The following DOCK1 variants were observed in gnomAD, a reference collection of about 807,000 sequenced individuals.
DOCK1 encodes the protein dedicator of cytokinesis protein 1.
In DOCK1, 138 loss-of-function variants were observed where a neutral mutation model predicts 262.7. That is an observed-to-expected ratio of 0.53 (90% CI 0.46 to 0.61). The LOEUF (loss-of-function observed/expected upper bound fraction) is 0.61. DOCK1 is among the 20% of genes least tolerant of loss of function. DOCK1 has a pLI of 0.00. For synonymous variants in DOCK1, 866 were observed against 867.4 expected (o/e 1.00, Z 0.03); for missense variants, 1,908 against 2,370.7 (o/e 0.80, Z 4.05).
chr10:126,948,517 CT>C (rs2035819190), intron 1 of DOCK1, among the ~76,000 whole-genome samples: 2 of 151,830 alleles, frequency 1.3e-5, no homozygotes, highest in Non-Finnish European at 2.9e-5. Context: ...CCAGCCGGGC[CT>C]TTTGAGGGCA....
At chr10:127,337,962 C>T (rs1232033197) in intron 29 of DOCK1, among the ~76,000 whole-genome samples, 1 of 152,198 alleles carries the variant, frequency 6.6e-6, no homozygotes, top group Non-Finnish European at 1.5e-5. Context: ...TGAATTTCTT[C>T]TTCCCTCCTC....
chr10:127,268,993 T>C (rs1313259540), intron 29 of DOCK1, among the ~76,000 whole-genome samples: 1 of 151,992 alleles, frequency 6.6e-6, no homozygotes, highest in Non-Finnish European at 1.5e-5. Context: ...CCTCTCTACC[T>C]CTCCCAGCCA....
In DOCK1 at chr10:127,151,362, T is replaced by C. The variant is rs116473001; in HGVS notation, c.2847+23598T>C. ...AGGCAGCAGGAGTCCAGCCGAAATA[T>C]TACTCTGCAGACTGTCCTGGGACCA... is the stretch of plus-strand genomic sequence containing the variant. On this transcript the variant is annotated intron_variant, in intron 27 of 51. Transcript: ENST00000623213. 1.6e-3 allele frequency among the ~76,000 whole-genome samples: 244 copies of C among 152,252 alleles called. 2 individuals are homozygous for C. The highest frequency in any genetic ancestry group is 5.6e-3 in the African/African-American group (233 of 41,552).
intron 27 of DOCK1, among the ~76,000 whole-genome samples, chr10:127,177,481 G>A (rs2055270906): frequency 6.6e-6 from 1 of 152,254 alleles, no homozygotes; most frequent in African/African-American, 2.4e-5. Context: ...TTGTTTGTGA[G>A]TGAGGCTTCG....
chr10:126,981,430 C>T (rs1398390415), intron 3 of DOCK1, among the ~76,000 whole-genome samples: 23 of 152,202 alleles, frequency 1.5e-4, no homozygotes, highest in African/African-American at 2.4e-5. Context: ...GGGCGAAATT[C>T]GGCCTGTCTT....
intron 22 of DOCK1, among the ~76,000 whole-genome samples, chr10:127,058,493 A>G (rs1337119629): frequency 2.0e-5 from 3 of 151,982 alleles, no homozygotes; most frequent in Admixed American, 1.3e-4. Flanking sequence ...CATTTCATCC[A>G]TTTATATATA....
At chr10:126,926,184 T>C (rs531541250) in intron 1 of DOCK1, among the ~76,000 whole-genome samples, 1 of 152,190 alleles carries the variant, frequency 6.6e-6, no homozygotes, top group Admixed American at 6.5e-5. Flanking sequence ...CGGGGCACCA[T>C]GTAAGCCTGA....
chr10:127,424,273 A>G (rs762302876), intron 46 of DOCK1, among the ~76,000 whole-genome samples: 1 of 152,138 alleles, frequency 6.6e-6, no homozygotes, highest in Non-Finnish European at 1.5e-5. Flanking sequence ...GGTAAATTTC[A>G]CCTATCAGAT....
intron 29 of DOCK1, among the ~76,000 whole-genome samples, chr10:127,269,118 C>T (rs1483874294): frequency 2.6e-5 from 4 of 152,146 alleles, no homozygotes; most frequent in African/African-American, 7.2e-5. Flanking sequence ...AGATTTACCC[C>T]GTGCTGTAGT....
chr10:127,323,621 G>A (rs926649358), intron 29 of DOCK1, among the ~76,000 whole-genome samples: 4 of 152,178 alleles, frequency 2.6e-5, no homozygotes, highest in Admixed American at 1.3e-4. Flanking sequence ...CCACTGATCC[G>A]TGGGGTGCAC....
At chr10:127,131,272 C>A (rs1431714076) in intron 27 of DOCK1, among the ~76,000 whole-genome samples, 1 of 152,150 alleles carries the variant, frequency 6.6e-6, no homozygotes, top group Non-Finnish European at 1.5e-5. Flanking sequence ...GAACCATCCT[C>A]CACAGCCCTG....
intron 27 of DOCK1, chr10:127,153,705 G>A: frequency 1.6e-6 from 1 of 642,408 alleles, no homozygotes; most frequent in East Asian, 2.8e-5. Flanking sequence ...GTATTTAGAG[G>A]TAGCTTAGAA....
chr10:127,184,730 C>G lies in DOCK1; in HGVS notation c.2847+56966C>G, dbSNP rs1422064688. Among the ~76,000 whole-genome samples, 3 of 152,220 alleles carry G rather than the reference C, an allele frequency of 2.0e-5. No homozygotes were observed. The East Asian group carries it at 5.8e-4, about 29-fold the overall frequency. ...GTCTCCTGAACACACCATGGTCAGT[C>G]TCTACTTTGTGTCTTCACTTCCACT... On this transcript the variant is annotated intron_variant, in intron 27 of 51. Coordinates refer to ENST00000623213, the MANE Select transcript of DOCK1 (RefSeq NM_001290223.2).
chr10:127,247,324 G>T (rs1386591731), intron 27 of DOCK1, among the ~76,000 whole-genome samples: 2 of 152,004 alleles, frequency 1.3e-5, no homozygotes, highest in Admixed American at 1.3e-4. Context: ...TTGACATTCT[G>T]ATGAGCCCAC....
In DOCK1 at chr10:127,120,623, T is replaced by C. The variant is rs9804187; in HGVS notation, c.2624-4851T>C. ...AGACACTTGATCTTTATTTTCATCA[T>C]TGAATATAATTTACCTTTGAAAAAT... On this transcript the variant is annotated intron_variant, in intron 25 of 51. Coordinates refer to ENST00000623213, the MANE Select transcript of DOCK1 (RefSeq NM_001290223.2). Among the ~76,000 whole-genome samples the C allele has an allele frequency of 9.8e-3, 1,492 of 152,348 alleles. 23 individuals carry two copies. The highest frequency in any genetic ancestry group is 0.034 in the African/African-American group (1,399 of 41,570).
chr10:127,432,663 C>G (rs938318680), intron 47 of DOCK1, among the ~76,000 whole-genome samples: 1 of 152,090 alleles, frequency 6.6e-6, no homozygotes, highest in Non-Finnish European at 1.5e-5. Flanking sequence ...AAAAGTCCAT[C>G]TAGAGATCTT....
At chr10:127,017,292 CAT>C (rs772205621) in intron 12 of DOCK1, among the ~76,000 whole-genome samples, 1 of 151,650 alleles carries the variant, frequency 6.6e-6, no homozygotes, top group Non-Finnish European at 1.5e-5. Flanking sequence ...CAGACACACA[CAT>C]GGGTATAGAC....
Position 127,418,460 on chromosome 10 carries a change from C to T in DOCK1, c.4611C>T (p.Ser1537=). 1 of 1,614,128 alleles carries T rather than the reference C, an allele frequency of 6.2e-7. No individual in the cohort carries two copies. The highest frequency in any genetic ancestry group is 1.6e-4 in the Middle Eastern group (1 of 6,062). ...TGCAGCAGCACCTGGATGACCCCAG[C>T]CTGCCCATCAACCCGCTCTCCATGC... ...SMVQQHLDDP[S]LPINPLSMLL... Residue 1537 remains serine, a synonymous_variant, in exon 45 of 52, where the codon AGC becomes AGT. Coordinates refer to ENST00000623213, the MANE Select transcript of DOCK1 (RefSeq NM_001290223.2).
At chr10:127,093,554 A>G (rs1187951960) in intron 23 of DOCK1, among the ~76,000 whole-genome samples, 1 of 151,458 alleles carries the variant, frequency 6.6e-6, no homozygotes, top group Non-Finnish European at 1.5e-5. Flanking sequence ...GGGTTTCGCT[A>G]TGTTGCCTTG....
Sources: gnomAD v4.1 joint callset for allele counts (sites outside exome capture counted in the v4.1 genomes callset) on GRCh38, gnomAD v4.1.1 for gene constraint, MANE v1.5 for transcripts, NCBI Gene and HGNC (gene_info 2026-07-23, HGNC 2026-07-21) for gene names.